The following KCNQ5 variants were observed in gnomAD, a reference collection of about 807,000 sequenced individuals.
KCNQ5 encodes the protein potassium voltage-gated channel subfamily Q member 5.
Under a neutral mutation model 98.2 loss-of-function variants are expected in KCNQ5, and 30 were observed. The ratio of observed to expected loss-of-function variants is 0.31; its 90% CI spans 0.23 to 0.41. KCNQ5 has a LOEUF of 0.41. Among genes scored for constraint, KCNQ5 ranks in the 10% least tolerant of loss-of-function variants. KCNQ5 has a pLI of 1.00. For synonymous variants in KCNQ5, 458 were observed against 449.4 expected (o/e 1.02, Z -0.24); for missense variants, 835 against 1,182.5 (o/e 0.71, Z 4.31).
At chr6:73,066,609 A>G (rs1773068904) in intron 3 of KCNQ5, among the ~76,000 whole-genome samples, 1 of 152,186 alleles carries the variant, frequency 6.6e-6, no homozygotes, top group Non-Finnish European at 1.5e-5. Flanking sequence ...TATCCAAAAC[A>G]AAAAATGTAC....
chr6:73,165,481 T>G (rs1334789615), intron 10 of KCNQ5, among the ~76,000 whole-genome samples: 1 of 152,204 alleles, frequency 6.6e-6, no homozygotes, highest in South Asian at 2.1e-4. Context: ...GTCTGTATAT[T>G]TCCAAGGCTC....
chr6:72,920,465 C>T (rs1193349253), intron 1 of KCNQ5, among the ~76,000 whole-genome samples: 2 of 152,070 alleles, frequency 1.3e-5, no homozygotes, highest in Admixed American at 1.3e-4. Context: ...TAAGATAATC[C>T]GTGACCCTAC....
At chr6:72,756,786 CT>C in intron 1 of KCNQ5, among the ~76,000 whole-genome samples, 1 of 151,882 alleles carries the variant, frequency 6.6e-6, no homozygotes, top group Non-Finnish European at 1.5e-5. Context: ...TAATAGTCAA[CT>C]TATGGAACAT....
intron 10 of KCNQ5, among the ~76,000 whole-genome samples, chr6:73,156,054 TGGA>T (rs1777350202): frequency 2.6e-5 from 4 of 152,166 alleles, no homozygotes; most frequent in Admixed American, 1.3e-4. Flanking sequence ...AAACTCTAGT[TGGA>T]TTAAAGGAAT....
At chr6:72,626,569 T>C (rs550274068) in intron 1 of KCNQ5, among the ~76,000 whole-genome samples, 1 of 152,346 alleles carries the variant, frequency 6.6e-6, no homozygotes, top group Non-Finnish European at 1.5e-5. Context: ...GGGAATGATA[T>C]AATCAGATAT....
At chr6:73,091,451 C>G (rs1774243964) in intron 5 of KCNQ5, among the ~76,000 whole-genome samples, 1 of 151,832 alleles carries the variant, frequency 6.6e-6, no homozygotes, top group South Asian at 2.1e-4. Flanking sequence ...TGCACATGTA[C>G]CCCAGAACTT....
chr6:72,789,013 C>T (rs1392610165), intron 1 of KCNQ5, among the ~76,000 whole-genome samples: 1 of 152,188 alleles, frequency 6.6e-6, no homozygotes, highest in Admixed American at 6.5e-5. Context: ...ATACCAATGC[C>T]AAGCCCCAGT....
intron 1 of KCNQ5, among the ~76,000 whole-genome samples, chr6:72,753,332 A>G (rs1045686635): frequency 8.5e-5 from 13 of 152,216 alleles, no homozygotes; most frequent in Admixed American, 8.5e-4. Flanking sequence ...GGTATACCAT[A>G]AAAGGATAAT....
intron 1 of KCNQ5, among the ~76,000 whole-genome samples, chr6:72,930,557 T>G (rs1380459375): frequency 1.4e-5 from 2 of 140,494 alleles, no homozygotes; most frequent in Non-Finnish European, 3.0e-5. Context: ...ATCACCTGAG[T>G]TAAGACATAT....
chr6:73,044,128 A>G (rs1170763456), intron 3 of KCNQ5, among the ~76,000 whole-genome samples: 6 of 152,042 alleles, frequency 3.9e-5, no homozygotes, highest in Non-Finnish European at 8.8e-5. Flanking sequence ...AAAAATTTAA[A>G]AATTAGCTGG....
chr6:73,034,190 A>G (rs1176506520), intron 2 of KCNQ5, among the ~76,000 whole-genome samples: 1 of 151,906 alleles, frequency 6.6e-6, no homozygotes, highest in African/African-American at 2.4e-5. Context: ...TTTTTTTTGC[A>G]TTTTATGATG....
intron 9 of KCNQ5, among the ~76,000 whole-genome samples, chr6:73,124,980 TACACACACAC>T (rs150667060): frequency 8.8e-4 from 20 of 22,812 alleles, no homozygotes; most frequent in Admixed American, 1.1e-3. Context: ...TATATATATA[TACACACACAC>T]ACATATATAT....
At chr6:72,681,940 G>A (rs1290634163) in intron 1 of KCNQ5, among the ~76,000 whole-genome samples, 2 of 152,136 alleles carry the variant, frequency 1.3e-5, no homozygotes, top group South Asian at 2.1e-4. Flanking sequence ...GTTCTTCCCT[G>A]AGGGGGAACT....
At chr6:72,843,773 A>G (rs1480815315) in intron 1 of KCNQ5, among the ~76,000 whole-genome samples, 1 of 152,188 alleles carries the variant, frequency 6.6e-6, no homozygotes, top group African/African-American at 2.4e-5. Flanking sequence ...AATAGCAAAG[A>G]CTTGGAACCA....
chr6:73,084,379 T>C (rs1773898390), intron 5 of KCNQ5, among the ~76,000 whole-genome samples: 1 of 152,188 alleles, frequency 6.6e-6, no homozygotes, highest in East Asian at 1.9e-4. Flanking sequence ...TTTATAACAG[T>C]AATCCATTTT....
intron 1 of KCNQ5, among the ~76,000 whole-genome samples, chr6:72,641,831 G>A (rs2098927351): frequency 1.3e-5 from 2 of 151,996 alleles, no homozygotes; most frequent in Non-Finnish European, 2.9e-5. Flanking sequence ...GAAGTGTACT[G>A]TGTGTGCTTC....
At chr6:72,994,183 T>G (rs1455894277) in intron 1 of KCNQ5, among the ~76,000 whole-genome samples, 3 of 79,628 alleles carry the variant, frequency 3.8e-5, no homozygotes, top group Admixed American at 2.8e-4. Context: ...TGTGGTGGGC[T>G]CCACCCAGTT....
intron 3 of KCNQ5, among the ~76,000 whole-genome samples, chr6:73,050,665 T>A (rs1423488983): frequency 6.6e-6 from 1 of 152,172 alleles, no homozygotes; most frequent in Non-Finnish European, 1.5e-5. Flanking sequence ...ACCACCACAA[T>A]CAAAATACAG....
chr6:73,123,036 T>G (rs949138848), intron 8 of KCNQ5, among the ~76,000 whole-genome samples: 5 of 152,152 alleles, frequency 3.3e-5, no homozygotes, highest in African/African-American at 1.2e-4. Context: ...GATCATTTAT[T>G]CAGTCATGTA....
Sources: gnomAD v4.1 joint callset for allele counts (sites outside exome capture counted in the v4.1 genomes callset) on GRCh38, gnomAD v4.1.1 for gene constraint, MANE v1.5 for transcripts, NCBI Gene and HGNC (gene_info 2026-07-23, HGNC 2026-07-21) for gene names.